Variants in GRIK3 observed in about 807,000 individuals in gnomAD.
GRIK3 encodes glutamate receptor ionotropic, kainate 3.
In GRIK3, 29 loss-of-function variants were observed where a neutral mutation model predicts 102.5. That is an observed-to-expected ratio of 0.28 (90% CI 0.21 to 0.39). The LOEUF (loss-of-function observed/expected upper bound fraction) is 0.39, where lower values mean the gene tolerates loss of function less well. Ranked by LOEUF, GRIK3 falls within the 10% of genes least tolerant of loss-of-function variation. The pLI is 1.00. For synonymous variants in GRIK3, 511 were observed against 504.9 expected, an observed-to-expected ratio of 1.01 and a Z score of -0.16; for missense variants, 908 against 1,252.4, an observed-to-expected ratio of 0.73 and a Z score of 4.15.
At chr1:36,803,466 C>T (rs1642464406) in intron 15 of GRIK3, among the ~76,000 whole-genome samples, 1 of 152,096 alleles carries the variant, frequency 6.6e-6, no homozygotes, top group Non-Finnish European at 1.5e-5. Context: ...GACGAAGTCT[C>T]TGTCTCCATG....
At position 36,850,262 on chromosome 1, in the gene GRIK3, C is replaced by A. The variant is rs750422677; in HGVS notation, c.1326+49G>T. The A allele has an allele frequency of 8.1e-7, 1 of 1,240,624 alleles. No individual in the cohort carries two copies. The highest frequency in any genetic ancestry group is 1.2e-6 in the Non-Finnish European group (1 of 839,078). The allele number at this position is 1,240,624 out of a possible 1,614,324, so 76.9% of individuals were successfully genotyped here. A position where few individuals can be genotyped will look rare whatever the true frequency, so the allele number is the denominator to read the frequency against. On this transcript the variant is annotated intron_variant, in intron 9 of 15. Transcript: ENST00000373091. This position sits in a 1 kb window ranked among gnomAD's most constrained non-coding sequence, Gnocchi z 4.0. ...GGGACTCTCCAGCCCGAACGGCCACCCCACCCCCAGGTCGGACAGTCCTTC... is the reference window on the plus strand; with the variant it reads ...GGGACTCTCCAGCCCGAACGGCCACACCACCCCCAGGTCGGACAGTCCTTC...
At chr1:36,930,231 G>A (rs968694562) in intron 1 of GRIK3, among the ~76,000 whole-genome samples, 6 of 152,192 alleles carry the variant, frequency 3.9e-5, no homozygotes, top group Admixed American at 2.0e-4. Flanking sequence ...GCTGGCTTTT[G>A]AGATTGGCCT....
At chr1:37,019,845 A>C (rs1426301502) in intron 1 of GRIK3, among the ~76,000 whole-genome samples, 1 of 152,198 alleles carries the variant, frequency 6.6e-6, no homozygotes, top group Non-Finnish European at 1.5e-5. Flanking sequence ...ATACTGAGAA[A>C]TCTTCAGCCA....
Position 36,880,519 on chromosome 1 carries a change from G to T in GRIK3, c.550+115C>A. ...GCATAACCGAGTGGAACTGGGGTAT[G>T]GAACACAGCCTCTTCCCCCAGGGCA... is the stretch of plus-strand genomic sequence containing the variant. On this transcript the variant is annotated intron_variant, in intron 3 of 15. Coordinates refer to ENST00000373091, the MANE Select transcript of GRIK3 (RefSeq NM_000831.4). The surrounding 1 kb of genome is among the most constrained non-coding windows in gnomAD (Gnocchi z 5.4). 1 of 1,057,434 alleles carries T rather than the reference G, an allele frequency of 9.5e-7. No homozygotes were observed. Among genetic ancestry groups the T allele is most frequent in the Non-Finnish European group, 1.4e-6 (1 of 696,078 alleles). 65.5% of individuals were successfully genotyped at this position (1,057,434 alleles called of 1,614,324 possible).
At chr1:36,856,476 C>A (rs77691375) in intron 7 of GRIK3, among the ~76,000 whole-genome samples, 3 of 152,174 alleles carry the variant, frequency 2.0e-5, no homozygotes, top group Non-Finnish European at 4.4e-5. Context: ...CAGCTCCTCT[C>A]GGAAATGCCA....
intron 10 of GRIK3, among the ~76,000 whole-genome samples, chr1:36,837,496 T>C (rs1303149314): frequency 6.6e-6 from 1 of 152,012 alleles, no homozygotes; most frequent in African/African-American, 2.4e-5. Context: ...TTCCCTCCTT[T>C]CCTAGAGCAG....
At chr1:36,947,676 C>G (rs1447945640) in intron 1 of GRIK3, among the ~76,000 whole-genome samples, 1 of 152,020 alleles carries the variant, frequency 6.6e-6, no homozygotes, top group Non-Finnish European at 1.5e-5. Flanking sequence ...CCTCACCCTT[C>G]CCCTCCTTTA....
At chr1:37,018,834 A>G (rs979844715) in intron 1 of GRIK3, among the ~76,000 whole-genome samples, 1 of 152,204 alleles carries the variant, frequency 6.6e-6, no homozygotes, top group African/African-American at 2.4e-5. Context: ...CATGAAAAAA[A>G]AACTCCAATT....
intron 1 of GRIK3, among the ~76,000 whole-genome samples, chr1:36,956,011 C>T (rs535853460): frequency 2.0e-5 from 3 of 152,372 alleles, no homozygotes; most frequent in African/African-American, 7.2e-5. Context: ...CCTCCTCCTG[C>T]AGGCCTCCAG....
At position 36,880,041 on chromosome 1, in the gene GRIK3, A is replaced by G. The variant is rs573176435; in HGVS notation, c.550+593T>C. Among the ~76,000 whole-genome samples, 8 of 151,984 alleles carry G rather than the reference A, an allele frequency of 5.3e-5. No individual in the cohort carries two copies. The highest frequency in any genetic ancestry group is 1.7e-4 in the African/African-American group (7 of 41,434). On this transcript the variant is annotated intron_variant, in intron 3 of 15. Coordinates refer to ENST00000373091, the MANE Select transcript of GRIK3 (RefSeq NM_000831.4). The surrounding 1 kb of genome is among the most constrained non-coding windows in gnomAD (Gnocchi z 5.4). ...TGAAGGTGTGAGGAGGATGAGAAGA[A>G]CCAACCTTCAGCGCTCACTGCATGT...
In GRIK3 at chr1:36,925,270, A is replaced by C. The variant is rs529461015; in HGVS notation, c.116-34174T>G. Among the ~76,000 whole-genome samples, 3 of 152,360 alleles carry C rather than the reference A, an allele frequency of 2.0e-5. No homozygotes were observed. In the South Asian group the frequency reaches 6.2e-4, roughly 32 times the overall value. ...AACATACCGGAATACACACATGTGCAGACACACACGGCACACACACATTGC... is the reference window on the plus strand; with the variant it reads ...AACATACCGGAATACACACATGTGCCGACACACACGGCACACACACATTGC... On this transcript the variant is annotated intron_variant, in intron 1 of 15. Coordinates refer to ENST00000373091, the MANE Select transcript of GRIK3 (RefSeq NM_000831.4).
intron 1 of GRIK3, among the ~76,000 whole-genome samples, chr1:36,929,291 T>C (rs773970670): frequency 1.3e-5 from 2 of 152,146 alleles, no homozygotes; most frequent in Non-Finnish European, 2.9e-5. Flanking sequence ...GGAGTGAATC[T>C]ATACTCCAGC....
intron 9 of GRIK3, among the ~76,000 whole-genome samples, chr1:36,842,159 T>G (rs772152490): frequency 6.6e-6 from 1 of 152,146 alleles, no homozygotes; most frequent in Non-Finnish European, 1.5e-5. Context: ...GGGAGCTCAG[T>G]AGGCACTTAC....
intron 1 of GRIK3, among the ~76,000 whole-genome samples, chr1:36,938,356 AG>A (rs1223357003): frequency 6.6e-6 from 1 of 152,220 alleles, no homozygotes; most frequent in Non-Finnish European, 1.5e-5. Flanking sequence ...TGCTTTCAGC[AG>A]AATCCAGCAC....
intron 1 of GRIK3, among the ~76,000 whole-genome samples, chr1:36,957,538 G>GA (rs1470618657): frequency 2.9e-5 from 1 of 34,424 alleles, no homozygotes; most frequent in East Asian, 8.9e-4. Flanking sequence ...TGTGCCCCGT[G>GA]TCCTGTGCCC....
rs1356376670 is a variant in GRIK3 at position 36,819,790 on chromosome 1, T to A, written c.1819A>T (p.Asn607Tyr). 3 of 1,609,626 alleles carry A rather than the reference T, an allele frequency of 1.9e-6. No individual in the cohort carries two copies. Among genetic ancestry groups the A allele is most frequent in the South Asian group, 1.1e-5 (1 of 90,288 alleles). The change falls in exon 12 of 16, where the codon AAC (asparagine) becomes TAC (tyrosine). Residue 607 changes from asparagine to tyrosine, a missense_variant. Physicochemically the swap from Asn to Tyr is moderately radical, Grantham distance 143 (BLOSUM62 -2). Transcript: ENST00000373091. This position sits in a 1 kb window ranked among gnomAD's most constrained non-coding sequence, Gnocchi z 4.1. Reference protein sequence around the residue: ...CNPGSEVVENNFTLLNSFWFG... With the variant: ...CNPGSEVVENYFTLLNSFWFG... Reference sequence around the variant, plus strand: ...CAGAAGCTGTTAAGCAGAGTGAAGTTATTTTCCACCACCTCGGAGCCAGGG... The same window carrying A: ...CAGAAGCTGTTAAGCAGAGTGAAGTAATTTTCCACCACCTCGGAGCCAGGG...
chr1:36,838,919 G>T lies in GRIK3; in HGVS notation c.1530+2817C>A, dbSNP rs373330588. On this transcript the variant is annotated intron_variant, in intron 10 of 15. Transcript: ENST00000373091. ...CTTAACAAGGTCCCCTGCATGTCTC[G>T]TCAGGCCTGTAACCCTGATGAATAC... 7.9e-5 allele frequency among the ~76,000 whole-genome samples: 12 copies of T among 152,258 alleles called. No homozygotes were observed. The East Asian group carries it at 1.5e-3, about 20-fold the overall frequency.
In GRIK3 at chr1:36,911,453, A is replaced by G. The variant is rs760833019; in HGVS notation, c.116-20357T>C. Among the ~76,000 whole-genome samples, 56 of 152,300 alleles carry G rather than the reference A, an allele frequency of 3.7e-4. 1 individual carries two copies. Among genetic ancestry groups the G allele is most frequent in the Middle Eastern group, 6.8e-3 (2 of 294 alleles). On this transcript the variant is annotated intron_variant, in intron 1 of 15. Transcript: ENST00000373091. ...CTAAAGCACATTGTATGCCTTTGAT[A>G]AGAATAAGAAATTATTATGAGGTGA...
intron 5 of GRIK3, among the ~76,000 whole-genome samples, chr1:36,860,532 G>A (rs1311256463): frequency 6.6e-6 from 1 of 152,210 alleles, no homozygotes; most frequent in African/African-American, 2.4e-5. Context: ...ATCCCAGCCA[G>A]GACCTCCTCA....
Sources: allele counts gnomAD v4.1 joint callset (sites outside exome capture counted in the v4.1 genomes callset), GRCh38; gene constraint gnomAD v4.1.1; non-coding constraint Gnocchi (gnomAD v3.1); transcripts MANE v1.5; gene names NCBI Gene and HGNC (gene_info 2026-07-23, HGNC 2026-07-21).